HSD17B12: variants seen among roughly 807,000 people sequenced by gnomAD.
The protein encoded by HSD17B12 is very-long-chain 3-oxoacyl-CoA reductase.
Under a neutral mutation model 39.3 loss-of-function variants are expected in HSD17B12, and 32 were observed. That is an observed-to-expected ratio of 0.81 (90% confidence interval 0.61 to 1.09). The LOEUF (loss-of-function observed/expected upper bound fraction) is 1.09. HSD17B12 is among the 50% of genes least tolerant of loss of function. The probability of loss-of-function intolerance (pLI) is 0.00; values close to 1 mark genes in which losing one functional copy is unlikely to be tolerated. For synonymous variants in HSD17B12, 150 were observed against 146.7 expected (o/e 1.02, Z -0.16); for missense variants, 342 against 382.9 (o/e 0.89, Z 0.89).
chr11:43,706,765 T>C (rs973205368), intron 1 of HSD17B12, among the ~76,000 whole-genome samples: 29 of 151,504 alleles, frequency 1.9e-4, no homozygotes, highest in Admixed American at 1.7e-3. Context: ...TCTGGTTTTA[T>C]AGGAGAAATA....
the HSD17B12 span, among the ~76,000 whole-genome samples, chr11:43,564,527 A>T: frequency 1.6e-4 from 25 of 152,204 alleles, no homozygotes; most frequent in African/African-American, 5.8e-4. Context: ...TTTAAAGCTT[A>T]ATCACTTATA....
At chr11:43,577,019 T>C in the HSD17B12 span, among the ~76,000 whole-genome samples, 1 of 152,016 alleles carries the variant, frequency 6.6e-6, no homozygotes, top group Non-Finnish European at 1.5e-5. Context: ...CTGTGCAATA[T>C]AGATCAAAAT....
rs546552303 is a variant in HSD17B12, at chr11:43,717,248, T to C, written c.161-33663T>C. On this transcript the variant is annotated intron_variant, in intron 1 of 10. Coordinates refer to ENST00000278353, the MANE Select transcript of HSD17B12 (RefSeq NM_016142.3). ...TCCATGAGGACTTTAATTCACTGTTTTCTCAGGGCCTAGAACAGTACCTGA... is the reference window on the plus strand; with the variant it reads ...TCCATGAGGACTTTAATTCACTGTTCTCTCAGGGCCTAGAACAGTACCTGA... 1.2e-3 allele frequency among the ~76,000 whole-genome samples: 186 copies of C among 152,346 alleles called. 1 individual carries two copies. The highest frequency in any genetic ancestry group is 4.3e-3 in the African/African-American group (178 of 41,574).
chr11:43,771,430 G>A (rs1415796958), intron 3 of HSD17B12, among the ~76,000 whole-genome samples: 1 of 131,556 alleles, frequency 7.6e-6, no homozygotes, highest in Admixed American at 7.5e-5. Flanking sequence ...ATTCATTTCT[G>A]TTGGATATAT....
In HSD17B12 at chr11:43,684,786, C is replaced by T. The variant is rs1050002675; in HGVS notation, c.160+3799C>T. On this transcript the variant is annotated intron_variant, in intron 1 of 10. Coordinates refer to ENST00000278353, the MANE Select transcript of HSD17B12 (RefSeq NM_016142.3). ...TATGTTCACAGGGTTGTGCAACCAT[C>T]ATCAAATCTAATTTCAGAACATTTT... 3.9e-5 allele frequency among the ~76,000 whole-genome samples: 6 copies of T among 152,308 alleles called. 1 individual carries two copies. In the South Asian group the frequency reaches 6.2e-4, roughly 16 times the overall value.
chr11:43,794,089 T>C (rs773028796), intron 3 of HSD17B12, among the ~76,000 whole-genome samples: 2 of 152,240 alleles, frequency 1.3e-5, no homozygotes, highest in Non-Finnish European at 2.9e-5. Flanking sequence ...GCCACTAGGC[T>C]GAGAGGCAGT....
chr11:43,830,722 C>T, intron 6 of HSD17B12: 1 of 288,310 alleles, frequency 3.5e-6, no homozygotes, highest in Non-Finnish European at 6.5e-6. Flanking sequence ...GCCAGTATTA[C>T]ATTTCAGGCA....
rs140241261 is a variant in HSD17B12 at position 43,842,156 on chromosome 11, G to A, written c.684+2092G>A. Among the ~76,000 whole-genome samples, 13 of 152,292 alleles carry A rather than the reference G, an allele frequency of 8.5e-5. 1 individual carries two copies. In the East Asian group the frequency reaches 2.5e-3, roughly 29 times the overall value. On this transcript the variant is annotated intron_variant, in intron 9 of 10. Transcript: ENST00000278353. ...TACTGGATCCATCTGTGCTCAGGGA[G>A]TGATGGAACCAGAAGGTGGTTGGTT... is the stretch of plus-strand genomic sequence containing the variant.
chr11:43,706,821 GTATTATGCTGAC>G (rs898178208), intron 1 of HSD17B12, among the ~76,000 whole-genome samples: 5 of 151,946 alleles, frequency 3.3e-5, no homozygotes, highest in Non-Finnish European at 5.9e-5. Context: ...TTAAGGTACA[GTATTATGCTGAC>G]TAGTAAAATA....
chr11:43,826,109 G>T (rs11037660), intron 6 of HSD17B12, among the ~76,000 whole-genome samples: 2,473 of 142,684 alleles, frequency 0.017, 66 homozygotes, highest in African/African-American at 0.048. Flanking sequence ...TTGAGACGGA[G>T]TCTCACTCTG....
chr11:43,750,954 A>C lies in HSD17B12; in HGVS notation c.204A>C (p.Glu68Asp). ...ATGGAATTGGAAAATCATATGCAGA[A>C]GAGGTAGGTGATTTTCAAGATCTTT... is the stretch of plus-strand genomic sequence containing the variant. ...STDGIGKSYA[E>D]ELAKHGMKVV... Residue 68 changes from glutamate to aspartate, a missense_variant, in exon 2 of 11, where the codon GAA becomes GAC. Physicochemically the swap from Glu to Asp is conservative, Grantham distance 45 (BLOSUM62 2). Transcript: ENST00000278353. 1.3e-6 allele frequency: 2 copies of C among 1,593,142 alleles called. No individual in the cohort carries two copies. Among genetic ancestry groups the C allele is most frequent in the Non-Finnish European group, 1.7e-6 (2 of 1,164,958 alleles).
chr11:43,628,201 A>G, the HSD17B12 span, among the ~76,000 whole-genome samples: 1 of 152,000 alleles, frequency 6.6e-6, no homozygotes, highest in Non-Finnish European at 1.5e-5. Context: ...GCAACTATCA[A>G]CTATGTCACT....
chr11:43,718,373 A>G (rs1049668268), intron 1 of HSD17B12, among the ~76,000 whole-genome samples: 3 of 152,192 alleles, frequency 2.0e-5, no homozygotes, highest in African/African-American at 7.2e-5. Context: ...GGAGTCCAGT[A>G]TCTTTTCATC....
At chr11:43,704,438 T>C (rs912116535) in intron 1 of HSD17B12, among the ~76,000 whole-genome samples, 1 of 152,190 alleles carries the variant, frequency 6.6e-6, no homozygotes, top group Non-Finnish European at 1.5e-5. Context: ...TTGTTTATAG[T>C]TTAATTCTCA....
intron 3 of HSD17B12, among the ~76,000 whole-genome samples, chr11:43,780,370 G>A (rs1438246696): frequency 7.9e-5 from 12 of 152,062 alleles, no homozygotes; most frequent in Admixed American, 7.9e-4. Flanking sequence ...GTTTCACCAT[G>A]TTGACCAGGC....
At chr11:43,640,116 T>C in the HSD17B12 span, among the ~76,000 whole-genome samples, 1 of 152,010 alleles carries the variant, frequency 6.6e-6, no homozygotes, top group Non-Finnish European at 1.5e-5. Context: ...TTAGGCATTT[T>C]ATTGGTCTGT....
chr11:43,752,430 T>G (rs1590719398), intron 2 of HSD17B12, among the ~76,000 whole-genome samples: 1 of 152,290 alleles, frequency 6.6e-6, no homozygotes, highest in East Asian at 1.9e-4. Flanking sequence ...ATGGTGATTT[T>G]TGGCCAGGTG....
chr11:43,794,536 A>G (rs1950898851), intron 3 of HSD17B12, among the ~76,000 whole-genome samples: 1 of 152,254 alleles, frequency 6.6e-6, no homozygotes, highest in South Asian at 2.1e-4. Flanking sequence ...ATTGTGAAAG[A>G]ACAGAAAAAT....
upstream of HSD17B12, among the ~76,000 whole-genome samples, chr11:43,680,071 CTT>C (rs66914646): frequency 8.1e-5 from 12 of 148,010 alleles, no homozygotes; most frequent in African/African-American, 9.9e-5. Flanking sequence ...TATTTCTTTT[CTT>C]TTTTTTTTTG....
Sources: allele counts gnomAD v4.1 joint callset (sites outside exome capture counted in the v4.1 genomes callset), GRCh38; gene constraint gnomAD v4.1.1; transcripts MANE v1.5; gene names NCBI Gene and HGNC (gene_info 2026-07-23, HGNC 2026-07-21).